The following CPED1 variants were observed in gnomAD, a reference collection of about 807,000 sequenced individuals.
CPED1 encodes cadherin-like and PC-esterase domain-containing protein 1.
A neutral mutation model predicts 128.2 loss-of-function variants in CPED1; 114 were observed. The observed-to-expected ratio is 0.89, with a 90% CI of 0.76 to 1.04. CPED1 has a LOEUF of 1.04. CPED1 is among the 50% of genes least tolerant of loss of function. The probability of loss-of-function intolerance (pLI) is 0.00; values close to 1 mark genes in which losing one functional copy is unlikely to be tolerated. For synonymous variants in CPED1, 462 were observed against 426.7 expected, an observed-to-expected ratio of 1.08 and a Z score of -1.02; for missense variants, 1,211 against 1,207.1, an observed-to-expected ratio of 1.00 and a Z score of -0.05.
intron 7 of CPED1, among the ~76,000 whole-genome samples, chr7:121,113,238 T>A (rs1287989949): frequency 6.6e-6 from 1 of 152,184 alleles, no homozygotes; most frequent in Non-Finnish European, 1.5e-5. Flanking sequence ...TGTTTGGAAA[T>A]CCCTACTATG....
intron 16 of CPED1, among the ~76,000 whole-genome samples, chr7:121,159,685 A>G (rs1032521361): frequency 1.3e-5 from 2 of 152,166 alleles, no homozygotes; most frequent in African/African-American, 4.8e-5. Flanking sequence ...TAATTGTGGT[A>G]TCTTTTTAAA....
intron 4 of CPED1, 119 bp downstream of exon 4, chr7:121,047,112 T>A (rs531998273): frequency 5.4e-5 from 32 of 597,018 alleles, no homozygotes; most frequent in African/African-American, 5.3e-4. Context: ...CTATGGAGAA[T>A]CTTCCAACTG....
chr7:121,236,924 C>T (rs1798272948), intron 17 of CPED1, 93 bp downstream of exon 17: 7 of 557,440 alleles, frequency 1.3e-5, no homozygotes, highest in Non-Finnish European at 2.1e-5. Flanking sequence ...TATAAAAAAA[C>T]AAGGGCATTA....
At chr7:121,083,601 T>C (rs1794345640) in intron 5 of CPED1, 1 of 152,244 alleles carries the variant, frequency 6.6e-6, no homozygotes, top group Non-Finnish European at 1.5e-5. Flanking sequence ...TTTGACCTGA[T>C]TGCACAGGTG....
chr7:121,069,159 T>C (rs973740526), intron 5 of CPED1, among the ~76,000 whole-genome samples: 2 of 152,128 alleles, frequency 1.3e-5, no homozygotes, highest in Admixed American at 1.3e-4. Flanking sequence ...AGTGCCTCTG[T>C]TTGCAAAATG....
intron 16 of CPED1, among the ~76,000 whole-genome samples, chr7:121,170,255 G>A (rs1030458777): frequency 6.6e-6 from 1 of 152,130 alleles, no homozygotes; most frequent in Non-Finnish European, 1.5e-5. Context: ...CACATCATCA[G>A]GACATACTGG....
At chr7:121,111,013 C>T (rs1410888117) in intron 7 of CPED1, among the ~76,000 whole-genome samples, 3 of 152,072 alleles carry the variant, frequency 2.0e-5, no homozygotes, top group Non-Finnish European at 4.4e-5. Flanking sequence ...ACTCTTCAGC[C>T]ATTATTTGAA....
At chr7:121,196,760 CAG>C (rs1370895964) in intron 16 of CPED1, among the ~76,000 whole-genome samples, 2 of 151,710 alleles carry the variant, frequency 1.3e-5, no homozygotes, top group Non-Finnish European at 1.5e-5. Context: ...CGTACGCTGA[CAG>C]AGAATAGATG....
At chr7:121,247,490 C>T (rs12666947) in intron 18 of CPED1, among the ~76,000 whole-genome samples, 47,281 of 152,010 alleles carry the variant, frequency 0.31, 7,637 homozygotes, top group Middle Eastern at 0.44. Context: ...GGAGAGAAAA[C>T]GCCAAAAGCA....
intron 16 of CPED1, among the ~76,000 whole-genome samples, chr7:121,143,955 A>C (rs1421602335): frequency 6.6e-6 from 1 of 152,028 alleles, no homozygotes; most frequent in African/African-American, 2.4e-5. Context: ...TGGGGCATTA[A>C]AAATAAATGA....
intron 4 of CPED1, among the ~76,000 whole-genome samples, chr7:121,060,041 G>A (rs1793613968): frequency 6.8e-6 from 1 of 146,130 alleles, no homozygotes; most frequent in Non-Finnish European, 1.5e-5. Context: ...GGTGGGCGTG[G>A]GCTTGGCGGG....
chr7:121,182,008 G>A (rs1796906423), intron 16 of CPED1, among the ~76,000 whole-genome samples: 1 of 152,058 alleles, frequency 6.6e-6, no homozygotes, highest in African/African-American at 2.4e-5. Flanking sequence ...TGGGAAACTA[G>A]GGGGACATTT....
At chr7:121,174,645 G>A (rs1218751619) in intron 16 of CPED1, among the ~76,000 whole-genome samples, 1 of 152,078 alleles carries the variant, frequency 6.6e-6, no homozygotes, top group Non-Finnish European at 1.5e-5. Context: ...ATAGTTTGAA[G>A]TCAGGTAACA....
chr7:121,070,675 G>C (rs534842304), intron 5 of CPED1, among the ~76,000 whole-genome samples: 1 of 152,174 alleles, frequency 6.6e-6, no homozygotes, highest in East Asian at 1.9e-4. Context: ...TAATTCATCA[G>C]TAAGCCATCC....
chr7:121,267,298 C>A lies in CPED1; in HGVS notation c.2717C>A (p.Thr906Lys). The stretch of plus-strand genomic sequence containing the variant: ...CCAGTGGATGGAGTACATTTCTTAA[C>A]ACAGGTAAGCACATTTCCTCTGGGC... Reference protein sequence around the residue: ...HLPVDGVHFLTQSEVQNLWKE... With the variant: ...HLPVDGVHFLKQSEVQNLWKE... Residue 906 changes from threonine to lysine, a missense_variant, in exon 21 of 23, where the codon ACA becomes AAA. Transcript: ENST00000310396. 1 of 1,553,534 alleles carries A rather than the reference C, an allele frequency of 6.4e-7. No homozygotes were observed. The highest frequency in any genetic ancestry group is 1.2e-5 in the South Asian group (1 of 85,738).
At chr7:121,043,486 T>G (rs1793112062) in intron 3 of CPED1, among the ~76,000 whole-genome samples, 1 of 152,182 alleles carries the variant, frequency 6.6e-6, no homozygotes, top group African/African-American at 2.4e-5. Flanking sequence ...CCTAATGTTA[T>G]CTTAATAAAA....
At chr7:121,131,497 T>G (rs1041817546) in intron 12 of CPED1, among the ~76,000 whole-genome samples, 3 of 151,820 alleles carry the variant, frequency 2.0e-5, no homozygotes, top group Non-Finnish European at 4.4e-5. Flanking sequence ...TCAAAGTTTT[T>G]TTTTTTTTTT....
intron 16 of CPED1, among the ~76,000 whole-genome samples, chr7:121,215,080 C>T (rs998244142): frequency 3.3e-5 from 5 of 152,062 alleles, no homozygotes; most frequent in African/African-American, 4.8e-5. Flanking sequence ...TGTAGACTGC[C>T]GGGCCCTTTC....
rs78170270 is a variant in CPED1 at position 121,025,889 on chromosome 7, T to C, written c.433+10041T>C. 1.9e-3 allele frequency among the ~76,000 whole-genome samples: 286 copies of C among 152,280 alleles called. 2 individuals carry two copies. Among genetic ancestry groups the C allele is most frequent in the African/African-American group, 6.5e-3 (272 of 41,548 alleles). ...GAGTCAAGATTGTCCAGGTACCTGA[T>C]AGATGTTTTGATTTGTGTGTCCTAC... is the stretch of plus-strand genomic sequence containing the variant. On this transcript the variant is annotated intron_variant, in intron 3 of 22. Transcript: ENST00000310396.
Sources: allele counts gnomAD v4.1 joint callset (sites outside exome capture counted in the v4.1 genomes callset), GRCh38; gene constraint gnomAD v4.1.1; transcripts MANE v1.5; gene names NCBI Gene and HGNC (gene_info 2026-07-23, HGNC 2026-07-21).